Variants in COBL observed in about 807,000 individuals in gnomAD.
COBL encodes cordon-bleu WH2 repeat protein, also known as protein cordon-bleu.
In COBL, 51 loss-of-function variants were observed where a neutral mutation model predicts 98.8. That is an observed-to-expected ratio of 0.52 (90% CI 0.41 to 0.65). COBL has a LOEUF of 0.65. Ranked by LOEUF, COBL falls within the 30% of genes least tolerant of loss-of-function variation. The pLI, the probability that COBL is intolerant of heterozygous loss-of-function variation, is 0.00. For missense variants in COBL, 1,617 were observed against 1,617.5 expected, an observed-to-expected ratio of 1.00 and a Z score of 0.01; for synonymous variants, 634 against 651.7, an observed-to-expected ratio of 0.97 and a Z score of 0.41.
intron 5 of COBL, among the ~76,000 whole-genome samples, chr7:51,170,637 C>T (rs558585665): frequency 6.2e-4 from 93 of 150,990 alleles, no homozygotes; most frequent in African/African-American, 2.0e-3. Flanking sequence ...TTTGTGTCAG[C>T]GTGGATGAAA....
chr7:51,093,434 G>A (rs1794993819), intron 6 of COBL, among the ~76,000 whole-genome samples: 1 of 152,228 alleles, frequency 6.6e-6, no homozygotes, highest in Non-Finnish European at 1.5e-5. Context: ...TGGAAAATAT[G>A]TTGAAGGTTC....
chr7:51,259,403 A>C, intron 1 of COBL: 1 of 433,130 alleles, frequency 2.3e-6, no homozygotes, highest in Non-Finnish European at 4.2e-6. Flanking sequence ...GCCCAAGGGC[A>C]GTTTTCAGCC....
At chr7:51,306,075 T>C (rs1802447759) in intron 1 of COBL, among the ~76,000 whole-genome samples, 1 of 151,872 alleles carries the variant, frequency 6.6e-6, no homozygotes, top group Non-Finnish European at 1.5e-5. Context: ...ACTTGATGAA[T>C]GAAGATGGCC....
chr7:51,127,575 C>T (rs1798334247), intron 6 of COBL, among the ~76,000 whole-genome samples: 1 of 152,092 alleles, frequency 6.6e-6, no homozygotes, highest in Non-Finnish European at 1.5e-5. Flanking sequence ...TGTACGGTGG[C>T]CTTGTGTTCA....
intron 7 of COBL, chr7:51,065,598 C>A (rs1211729948): frequency 3.2e-5 from 19 of 602,606 alleles, no homozygotes; most frequent in Middle Eastern, 4.4e-4. Context: ...AGGGCCCAGG[C>A]CTCCAACAGG....
chr7:51,120,265 A>G (rs771352815), intron 6 of COBL, among the ~76,000 whole-genome samples: 3 of 152,176 alleles, frequency 2.0e-5, no homozygotes, highest in African/African-American at 4.8e-5. Flanking sequence ...GGCCTAAAAT[A>G]TAAGTTATTT....
intron 2 of COBL, among the ~76,000 whole-genome samples, chr7:51,208,575 T>C (rs879793409): frequency 2.6e-4 from 40 of 152,312 alleles, no homozygotes; most frequent in Middle Eastern, 3.4e-3. Context: ...CAGCGGCTCA[T>C]TGAGAACGGG....
intron 1 of COBL, among the ~76,000 whole-genome samples, chr7:51,276,168 A>G (rs1017739410): frequency 6.6e-6 from 1 of 152,214 alleles, no homozygotes; most frequent in African/African-American, 2.4e-5. Flanking sequence ...ATTGGCATTC[A>G]CAGATATGGG....
intron 2 of COBL, among the ~76,000 whole-genome samples, chr7:51,203,317 C>T (rs972170805): frequency 3.4e-4 from 42 of 123,718 alleles, no homozygotes; most frequent in African/African-American, 4.0e-4. Flanking sequence ...AAAAAATTAG[C>T]CGGGTGTAGT....
intron 7 of COBL, among the ~76,000 whole-genome samples, chr7:51,045,775 C>T (rs532834425): frequency 8.1e-4 from 124 of 152,226 alleles, no homozygotes; most frequent in African/African-American, 3.0e-3. Context: ...TCGGGTGATA[C>T]ATATATATTC....
chr7:51,232,612 C>A (rs918594086), intron 1 of COBL, among the ~76,000 whole-genome samples: 11 of 152,256 alleles, frequency 7.2e-5, no homozygotes, highest in African/African-American at 2.2e-4. Flanking sequence ...GAGATCGAGA[C>A]CATCCTGGCT....
chr7:51,187,983 G>C, intron 4 of COBL: 1 of 1,232,344 alleles, frequency 8.1e-7, no homozygotes. Flanking sequence ...CAATGAGAGA[G>C]TGAGGTCCAG....
intron 5 of COBL, among the ~76,000 whole-genome samples, chr7:51,169,595 GAC>G (rs1032421628): frequency 2.6e-5 from 4 of 152,186 alleles, no homozygotes; most frequent in African/African-American, 9.7e-5. Context: ...AAATAAGGCA[GAC>G]ACAGAAAGAC....
intron 5 of COBL, chr7:51,172,582 A>T (rs998431846): frequency 1.8e-5 from 22 of 1,250,000 alleles, no homozygotes; most frequent in Non-Finnish European, 2.3e-5. Context: ...TTCAGACAGA[A>T]AACATAGTCC....
chr7:51,045,754 AG>A (rs1396338773), intron 7 of COBL, among the ~76,000 whole-genome samples: 1 of 152,184 alleles, frequency 6.6e-6, no homozygotes, highest in Non-Finnish European at 1.5e-5. Context: ...TTATAAGATC[AG>A]GAATGCTTGT....
In COBL at chr7:51,190,839, C is replaced by T. The variant is rs749310677; in HGVS notation, c.685+11G>A. ...TTATGGGCAGGTGCGTGAGACGCAG[C>T]GGGGCCTCACCTCTTCTGTTGTCCC... On this transcript the variant is annotated intron_variant, in intron 4 of 12. Coordinates refer to ENST00000265136, the MANE Select transcript of COBL (RefSeq NM_015198.5). The T allele has an allele frequency of 2.4e-5, 38 of 1,609,568 alleles. 1 individual carries two copies. Among genetic ancestry groups the T allele is most frequent in the South Asian group, 2.1e-4 (19 of 90,664 alleles).
intron 1 of COBL, among the ~76,000 whole-genome samples, chr7:51,231,700 G>A (rs181528590): frequency 6.6e-6 from 1 of 152,368 alleles, no homozygotes; most frequent in East Asian, 1.9e-4. Context: ...GGACTTAGAA[G>A]GGGCCTGAAC....
At chr7:51,185,210 C>A (rs567909238) in intron 4 of COBL, among the ~76,000 whole-genome samples, 48 of 152,326 alleles carry the variant, frequency 3.2e-4, no homozygotes, top group African/African-American at 1.1e-3. Flanking sequence ...GAGATGGAAC[C>A]TGCAGCATCA....
chr7:51,264,868 C>T (rs1798061930), intron 1 of COBL, among the ~76,000 whole-genome samples: 1 of 152,216 alleles, frequency 6.6e-6, no homozygotes, highest in Non-Finnish European at 1.5e-5. Context: ...TACACATGTG[C>T]ATATGAAATC....
Sources: allele counts gnomAD v4.1 joint callset (sites outside exome capture counted in the v4.1 genomes callset), GRCh38; gene constraint gnomAD v4.1.1; transcripts MANE v1.5; gene names NCBI Gene and HGNC (gene_info 2026-07-23, HGNC 2026-07-21).